Variants in RBFOX1 observed in about 807,000 individuals in gnomAD.
RBFOX1 encodes the protein RNA binding fox-1 homolog 1.
RBFOX1 carries 8 observed loss-of-function variants against 57.7 expected under a neutral mutation model. The ratio of observed to expected loss-of-function variants is 0.14; its 90% CI spans 0.08 to 0.25. The LOEUF (loss-of-function observed/expected upper bound fraction) is 0.25. Ranked by LOEUF, RBFOX1 falls within the 10% of genes least tolerant of loss-of-function variation. RBFOX1 has a pLI of 1.00. For missense variants in RBFOX1, 611 were observed against 548.5 expected, an observed-to-expected ratio of 1.11 and a Z score of -1.14; for synonymous variants, 326 against 222.4, an observed-to-expected ratio of 1.47 and a Z score of -4.15.
At chr16:5,716,368 A>G (rs1477024678) in intron 3 of RBFOX1, among the ~76,000 whole-genome samples, 1 of 152,178 alleles carries the variant, frequency 6.6e-6, no homozygotes, top group Non-Finnish European at 1.5e-5. Context: ...TAAGCCTACT[A>G]GTTATTTTTC....
intron 3 of RBFOX1, among the ~76,000 whole-genome samples, chr16:6,846,830 A>G (rs890530567): frequency 6.6e-6 from 1 of 152,076 alleles, no homozygotes; most frequent in East Asian, 1.9e-4. Flanking sequence ...TAATAAGCCT[A>G]CAGGATCTTG....
chr16:7,174,516 C>T (rs569885194), intron 4 of RBFOX1, among the ~76,000 whole-genome samples: 1 of 152,182 alleles, frequency 6.6e-6, no homozygotes, highest in Non-Finnish European at 1.5e-5. Context: ...CGCAGTGGCT[C>T]ACACCTGCAA....
At chr16:6,655,373 C>CAAAAAAAAAAAACAAAAAAAAAAA (rs2098641471) in intron 3 of RBFOX1, among the ~76,000 whole-genome samples, 1 of 33,686 alleles carries the variant, frequency 3.0e-5, no homozygotes, top group African/African-American at 1.3e-4. Flanking sequence ...GCCTCCGTTT[C>CAAAAAAAAAAAACAAAAAAAAAAA]AAAAAAAAAA....
At chr16:5,492,713 C>T (rs1268785779) in intron 2 of RBFOX1, among the ~76,000 whole-genome samples, 2 of 152,210 alleles carry the variant, frequency 1.3e-5, no homozygotes, top group Non-Finnish European at 2.9e-5. Context: ...GACTCAGGTG[C>T]AAGATCCGTC....
At chr16:6,970,028 A>T (rs964971623) in intron 3 of RBFOX1, among the ~76,000 whole-genome samples, 28 of 152,062 alleles carry the variant, frequency 1.8e-4, no homozygotes, top group Non-Finnish European at 1.5e-5. Context: ...TTTAAAAAAA[A>T]TTAGATGGGC....
At chr16:5,867,078 A>G (rs1156505182) in intron 3 of RBFOX1, among the ~76,000 whole-genome samples, 14 of 152,128 alleles carry the variant, frequency 9.2e-5, no homozygotes, top group Admixed American at 8.5e-4. Flanking sequence ...TGAAAATACT[A>G]ATTATCCTAT....
chr16:5,462,276 C>G (rs1390428923), intron 1 of RBFOX1, among the ~76,000 whole-genome samples: 2 of 150,596 alleles, frequency 1.3e-5, no homozygotes, highest in East Asian at 3.9e-4. Flanking sequence ...TCACGCCATT[C>G]TCCTGCCTCA....
At chr16:6,967,809 C>G (rs2084613304) in intron 3 of RBFOX1, among the ~76,000 whole-genome samples, 1 of 152,062 alleles carries the variant, frequency 6.6e-6, no homozygotes, top group South Asian at 2.1e-4. Context: ...AGCCCTGAAA[C>G]TAAGAATGTA....
chr16:7,653,444 T>C (rs1164121894), intron 11 of RBFOX1, among the ~76,000 whole-genome samples: 1 of 152,104 alleles, frequency 6.6e-6, no homozygotes, highest in African/African-American at 2.4e-5. Flanking sequence ...AAGTCGAGGG[T>C]GCAGTGAGCC....
chr16:6,421,593 AAAT>A (rs1174890567), intron 2 of RBFOX1, among the ~76,000 whole-genome samples: 2 of 152,194 alleles, frequency 1.3e-5, no homozygotes, highest in Non-Finnish European at 2.9e-5. Flanking sequence ...CATAATGTGG[AAAT>A]AATATTGCAT....
At chr16:5,359,572 A>C (rs1172924565) in intron 1 of RBFOX1, among the ~76,000 whole-genome samples, 1 of 152,164 alleles carries the variant, frequency 6.6e-6, no homozygotes, top group Non-Finnish European at 1.5e-5. Context: ...AGGGATGTTG[A>C]GCATCTTTTC....
At chr16:7,174,458 GT>G (rs375609008) in intron 4 of RBFOX1, among the ~76,000 whole-genome samples, 153 of 152,266 alleles carry the variant, frequency 1.0e-3, no homozygotes, top group African/African-American at 3.3e-3. Context: ...TTGCTGGGTT[GT>G]ATGGTAAGTT....
At chr16:6,000,244 G>C (rs10163389) in intron 4 of RBFOX1, among the ~76,000 whole-genome samples, 101,188 of 152,038 alleles carry the variant, frequency 0.67, 34,164 homozygotes, top group East Asian at 0.97. Flanking sequence ...TTCCTCTGAA[G>C]CTGGAAGTAG....
At chr16:7,126,944 G>A (rs1007700428) in intron 4 of RBFOX1, among the ~76,000 whole-genome samples, 3 of 150,982 alleles carry the variant, frequency 2.0e-5, no homozygotes, top group Non-Finnish European at 4.4e-5. Context: ...GGGAGGCAGA[G>A]GTTGCAGTGA....
intron 4 of RBFOX1, among the ~76,000 whole-genome samples, chr16:5,966,601 C>T (rs1049165550): frequency 1.3e-5 from 2 of 152,174 alleles, no homozygotes; most frequent in Non-Finnish European, 2.9e-5. Flanking sequence ...ATTACAGCAC[C>T]TTCCACCACA....
chr16:6,695,222 C>G (rs1307249770), intron 3 of RBFOX1, among the ~76,000 whole-genome samples: 1 of 151,864 alleles, frequency 6.6e-6, no homozygotes, highest in Admixed American at 6.6e-5. Context: ...GAGTTTGAGA[C>G]CAGCTTGGCC....
At chr16:6,683,226 A>C (rs576573766) in intron 3 of RBFOX1, among the ~76,000 whole-genome samples, 1 of 152,362 alleles carries the variant, frequency 6.6e-6, no homozygotes, top group Non-Finnish European at 1.5e-5. Context: ...ACTGTTCTAA[A>C]TTTAAAAAGA....
intron 2 of RBFOX1, among the ~76,000 whole-genome samples, chr16:6,388,160 G>A (rs1381548442): frequency 6.6e-6 from 1 of 151,870 alleles, no homozygotes; most frequent in African/African-American, 2.4e-5. Context: ...TAGAGATGGA[G>A]TTTCACCTTG....
chr16:6,505,846 G>C (rs1471024395), intron 2 of RBFOX1, among the ~76,000 whole-genome samples: 1 of 152,204 alleles, frequency 6.6e-6, no homozygotes, highest in African/African-American at 2.4e-5. Context: ...GTCCTACTCA[G>C]TGTTGGGGTA....
Sources: allele counts gnomAD v4.1 joint callset (sites outside exome capture counted in the v4.1 genomes callset), GRCh38; gene constraint gnomAD v4.1.1; transcripts MANE v1.5; gene names NCBI Gene and HGNC (gene_info 2026-07-23, HGNC 2026-07-21).